SMC2: variants seen among roughly 807,000 people sequenced by gnomAD.
SMC2 encodes the protein structural maintenance of chromosomes 2, also known as structural maintenance of chromosomes protein 2.
SMC2 carries 41 observed loss-of-function variants against 142.6 expected under a neutral mutation model. The observed-to-expected ratio is 0.29, with a 90% CI of 0.22 to 0.37. The LOEUF is 0.37. Among genes scored for constraint, SMC2 ranks in the 10% least tolerant of loss-of-function variants. The pLI is 1.00. For missense variants in SMC2, 1,265 were observed against 1,373.7 expected, an observed-to-expected ratio of 0.92 and a Z score of 1.25; for synonymous variants, 463 against 457.5, an observed-to-expected ratio of 1.01 and a Z score of -0.15.
At position 104,105,405 on chromosome 9, in the gene SMC2, C is replaced by T. The variant is rs1831641926; in HGVS notation, c.1020+2832C>T. On this transcript the variant is annotated intron_variant, in intron 9 of 24. Coordinates refer to ENST00000374793, the MANE Select transcript of SMC2 (RefSeq NM_006444.3). ...CGCTGCCCATGGAAAATGATGTAGC[C>T]CTTGGATGCACATAGCACCCTTTCC... is the stretch of plus-strand genomic sequence containing the variant. Among the ~76,000 whole-genome samples, 3 of 152,008 alleles carry T rather than the reference C, an allele frequency of 2.0e-5. No individual in the cohort carries two copies. In the South Asian group the frequency reaches 6.2e-4, roughly 32 times the overall value.
At chr9:104,088,879 C>T in the SMC2 span, among the ~76,000 whole-genome samples, 1 of 151,982 alleles carries the variant, frequency 6.6e-6, no homozygotes, top group African/African-American at 2.4e-5. Context: ...ACAATGCAGG[C>T]ATTCTATAAA....
intron 22 of SMC2, among the ~76,000 whole-genome samples, chr9:104,132,545 AT>A (rs1835099711): frequency 6.6e-6 from 1 of 152,112 alleles, no homozygotes; most frequent in Non-Finnish European, 1.5e-5. Flanking sequence ...ATAGCGGAAG[AT>A]TCTTACTTCA....
At chr9:104,093,891 A>G (rs550732673), upstream of SMC2, among the ~76,000 whole-genome samples, 10 of 152,322 alleles carry the variant, frequency 6.6e-5, no homozygotes, top group East Asian at 1.9e-3. Context: ...CCAAAACAGA[A>G]CCGACGAGAA....
chr9:104,094,755 G>A (rs1587873954), intron 1 of SMC2: 1 of 242,062 alleles, frequency 4.1e-6, no homozygotes, highest in East Asian at 7.1e-5. Context: ...ATACTTAAAT[G>A]ACTTCCCCTC....
chr9:104,108,291 T>G (rs565778796), intron 9 of SMC2, among the ~76,000 whole-genome samples: 1 of 152,264 alleles, frequency 6.6e-6, no homozygotes, highest in Non-Finnish European at 1.5e-5. Context: ...TAGGGCCATC[T>G]CTGGTGGGGA....
chr9:104,133,645 A>C (rs1330933124), intron 22 of SMC2, among the ~76,000 whole-genome samples: 1 of 152,146 alleles, frequency 6.6e-6, no homozygotes, highest in Non-Finnish European at 1.5e-5. Flanking sequence ...AGATGGCCAA[A>C]TTCCCAAATC....
intron 9 of SMC2, among the ~76,000 whole-genome samples, chr9:104,104,293 A>C (rs1166308669): frequency 6.6e-6 from 1 of 152,184 alleles, no homozygotes; most frequent in Non-Finnish European, 1.5e-5. Context: ...TTCATACACA[A>C]CATTTTATGT....
intron 23 of SMC2, 124 bp downstream of exon 23, chr9:104,134,699 A>T: frequency 1.8e-6 from 1 of 554,504 alleles, no homozygotes; most frequent in Non-Finnish European, 2.9e-6. Flanking sequence ...TCTAATATAT[A>T]AGACTAAACA....
At chr9:104,090,854 GATAAA>G (rs1829974161), upstream of SMC2, among the ~76,000 whole-genome samples, 7 of 151,946 alleles carry the variant, frequency 4.6e-5, no homozygotes, top group East Asian at 1.2e-3. Flanking sequence ...CAGAAAAGAA[GATAAA>G]ATAAAGACAT....
chr9:104,089,660 AT>A (rs551561937), upstream of SMC2, among the ~76,000 whole-genome samples: 18 of 150,526 alleles, frequency 1.2e-4, no homozygotes, highest in Admixed American at 7.9e-4. Flanking sequence ...GTACATGAAA[AT>A]TTTTTTTTTG....
At chr9:104,103,643 G>C (rs1448586433) in intron 9 of SMC2, among the ~76,000 whole-genome samples, 1 of 152,158 alleles carries the variant, frequency 6.6e-6, no homozygotes, top group African/African-American at 2.4e-5. Flanking sequence ...CTCACATGTA[G>C]GTAGATGAGT....
Position 104,140,315 on chromosome 9 carries a change from T to G in SMC2, c.*1000T>G, listed in dbSNP as rs1279651823. Reference sequence around the variant, plus strand: ...TTCCAGTTCAAAGGGATGAAATTCCTTTAGAACTTGAAAGATGACACTAGC... The same window carrying G: ...TTCCAGTTCAAAGGGATGAAATTCCGTTAGAACTTGAAAGATGACACTAGC... On this transcript the variant is annotated 3_prime_UTR_variant, in exon 25 of 25. Transcript: ENST00000374793. 1 of 152,128 alleles carries G rather than the reference T, an allele frequency of 6.6e-6. No homozygotes were observed. Among genetic ancestry groups the G allele is most frequent in the Non-Finnish European group, 1.5e-5 (1 of 68,008 alleles). The allele number at this position is 152,128 out of a possible 1,614,324, so 9.4% of individuals were successfully genotyped here.
chr9:104,093,287 C>A (rs1830093779), upstream of SMC2, among the ~76,000 whole-genome samples: 1 of 152,068 alleles, frequency 6.6e-6, no homozygotes, highest in Admixed American at 6.5e-5. Context: ...AATCCTGACA[C>A]GTTTTTTCTT....
intron 22 of SMC2, among the ~76,000 whole-genome samples, chr9:104,132,840 GTT>G (rs763551994): frequency 6.9e-6 from 1 of 144,284 alleles, no homozygotes; most frequent in Admixed American, 7.0e-5. Context: ...GATCTGAGAG[GTT>G]TTTTTTTTTT....
intron 7 of SMC2, 77 bp from the exon 8 acceptor site, chr9:104,101,883 T>G: frequency 1.2e-6 from 1 of 839,244 alleles, no homozygotes; most frequent in Non-Finnish European, 1.9e-6. Flanking sequence ...TAATGAGAAA[T>G]TTGTTTCATC....
At chr9:104,107,879 C>T (rs996037712) in intron 9 of SMC2, among the ~76,000 whole-genome samples, 4 of 152,168 alleles carry the variant, frequency 2.6e-5, no homozygotes, top group African/African-American at 7.2e-5. Flanking sequence ...GTACTGCTTT[C>T]GCTGAGTAAC....
chr9:104,109,882 CA>C (rs1832232866), intron 9 of SMC2, among the ~76,000 whole-genome samples: 1 of 151,972 alleles, frequency 6.6e-6, no homozygotes, highest in Non-Finnish European at 1.5e-5. Context: ...ACATAAACAC[CA>C]TACTTGGCAT....
Position 104,139,197 on chromosome 9 carries a change from C to T in SMC2, c.3476C>T (p.Thr1159Ile). 6.2e-7 allele frequency: 1 copy of T among 1,602,004 alleles called. No homozygotes were observed. Among genetic ancestry groups the T allele is most frequent in the Non-Finnish European group, 8.5e-7 (1 of 1,175,974 alleles). The change falls in exon 25 of 25, where the codon ACC becomes ATC. Residue 1159 changes from threonine (T) to isoleucine (I), a missense_variant. By Grantham distance (89) the Thr-to-Ile change is moderately conservative. Transcript: ENST00000374793. Reference sequence around the variant, plus strand: ...AACAATGCAAACGTTCTTTTCAAAACCAAGTTTGTGGATGGTGTTTCTACA... The same window carrying T: ...AACAATGCAAACGTTCTTTTCAAAATCAAGTTTGTGGATGGTGTTTCTACA... ...MFNNANVLFK[T>I]KFVDGVSTVA... is the part of the protein sequence containing the mutation.
At chr9:104,120,968 A>G (rs923751581) in intron 16 of SMC2, among the ~76,000 whole-genome samples, 23 of 152,226 alleles carry the variant, frequency 1.5e-4, no homozygotes, top group African/African-American at 5.3e-4. Flanking sequence ...TCTAAGAAGA[A>G]CAAAGTAAAT....
Sources: allele counts gnomAD v4.1 joint callset (sites outside exome capture counted in the v4.1 genomes callset), GRCh38; gene constraint gnomAD v4.1.1; transcripts MANE v1.5; gene names NCBI Gene and HGNC (gene_info 2026-07-23, HGNC 2026-07-21).